Variants in PCCA observed in about 807,000 individuals in gnomAD.
The protein encoded by PCCA is propionyl-CoA carboxylase alpha chain, mitochondrial.
In PCCA, 74 loss-of-function variants were observed where a neutral mutation model predicts 101.3. The observed-to-expected ratio is 0.73, with a 90% CI of 0.61 to 0.89. The LOEUF (loss-of-function observed/expected upper bound fraction) is 0.89. Among genes scored for constraint, PCCA ranks in the 40% least tolerant of loss-of-function variants. PCCA has a pLI of 0.00. For missense variants in PCCA, 891 were observed against 907.0 expected (o/e 0.98, Z 0.23); for synonymous variants, 294 against 313.6 (o/e 0.94, Z 0.66).
chr13:100,175,189 C>T (rs1176635304), intron 6 of PCCA, among the ~76,000 whole-genome samples: 1 of 151,926 alleles, frequency 6.6e-6, no homozygotes, highest in East Asian at 1.9e-4. Flanking sequence ...TTGTCAAGTC[C>T]CTGGTGAGTT....
rs577421090 is a variant in PCCA, at chr13:100,106,614, C to T, written c.183+3654C>T. 8.5e-5 allele frequency among the ~76,000 whole-genome samples: 13 copies of T among 152,102 alleles called. No homozygotes were observed. The South Asian group carries it at 2.7e-3, about 32-fold the overall frequency. ...ATTTTTAGTAGAGATGGAGTTTCACCATGTTGGCCAGGCTGGTCTCGAACT... is the reference window on the plus strand; with the variant it reads ...ATTTTTAGTAGAGATGGAGTTTCACTATGTTGGCCAGGCTGGTCTCGAACT... On this transcript the variant is annotated intron_variant, in intron 2 of 23. Transcript: ENST00000376285.
At chr13:100,163,079 A>C (rs772417360) in intron 6 of PCCA, among the ~76,000 whole-genome samples, 1 of 152,206 alleles carries the variant, frequency 6.6e-6, no homozygotes, top group Admixed American at 6.5e-5. Context: ...TGAATGCCTG[A>C]AAAAGGAAAA....
At chr13:100,508,849 G>A (rs1337863307) in intron 21 of PCCA, among the ~76,000 whole-genome samples, 1 of 152,100 alleles carries the variant, frequency 6.6e-6, no homozygotes, top group Non-Finnish European at 1.5e-5. Context: ...GCTGACGTTG[G>A]TTTCCATCCT....
At chr13:100,309,807 T>A (rs1456549708) in intron 15 of PCCA, 26 bp from the exon 16 acceptor site, 4 of 1,444,026 alleles carry the variant, frequency 2.8e-6, no homozygotes, top group East Asian at 4.6e-5. Flanking sequence ...ATATATATAT[T>A]GGGTTTTTTG....
At chr13:100,486,276 A>G (rs11839967) in intron 21 of PCCA, among the ~76,000 whole-genome samples, 2,648 of 152,296 alleles carry the variant, frequency 0.017, 80 homozygotes, top group African/African-American at 0.06. Context: ...GGGCTTACAT[A>G]ACACTGTAAA....
At chr13:100,519,840 G>A (rs761489229) in intron 22 of PCCA, among the ~76,000 whole-genome samples, 5 of 152,268 alleles carry the variant, frequency 3.3e-5, no homozygotes, top group Non-Finnish European at 5.9e-5. Context: ...CTGGCATCGC[G>A]CTTGTGTGCC....
chr13:100,139,422 T>C (rs988807009), intron 4 of PCCA, among the ~76,000 whole-genome samples: 4 of 152,020 alleles, frequency 2.6e-5, no homozygotes, highest in African/African-American at 9.7e-5. Flanking sequence ...TTTTCTACTC[T>C]TTTTTTCTCT....
chr13:100,090,139 A>G (rs1053838727), intron 1 of PCCA, among the ~76,000 whole-genome samples: 1 of 152,140 alleles, frequency 6.6e-6, no homozygotes, highest in Non-Finnish European at 1.5e-5. Flanking sequence ...ACATAACTTG[A>G]TTTATAGTCA....
intron 1 of PCCA, among the ~76,000 whole-genome samples, chr13:100,100,445 G>A (rs1358703154): frequency 1.3e-5 from 2 of 152,152 alleles, no homozygotes; most frequent in African/African-American, 4.8e-5. Flanking sequence ...TTGTTGCTAG[G>A]AAATACCTTA....
At chr13:100,317,881 C>A (rs1267691164) in intron 16 of PCCA, among the ~76,000 whole-genome samples, 1 of 152,078 alleles carries the variant, frequency 6.6e-6, no homozygotes, top group African/African-American at 2.4e-5. Flanking sequence ...AGCCACTGCA[C>A]CTGGCCCTCA....
intron 1 of PCCA, among the ~76,000 whole-genome samples, chr13:100,091,601 G>A (rs2046285295): frequency 6.6e-6 from 1 of 152,094 alleles, no homozygotes; most frequent in Non-Finnish European, 1.5e-5. Flanking sequence ...TGAATCTTTT[G>A]AAGATTTTAA....
At chr13:100,320,604 T>C (rs1488722333) in intron 16 of PCCA, among the ~76,000 whole-genome samples, 1 of 152,228 alleles carries the variant, frequency 6.6e-6, no homozygotes, top group Non-Finnish European at 1.5e-5. Flanking sequence ...TGTCTTTGGT[T>C]CTGTTTATAT....
intron 22 of PCCA, among the ~76,000 whole-genome samples, chr13:100,523,405 G>T (rs2087462144): frequency 6.6e-6 from 1 of 152,094 alleles, no homozygotes. Context: ...TGGAAAATTG[G>T]CAGCCTATAT....
chr13:100,459,507 T>C (rs376633472), intron 21 of PCCA, among the ~76,000 whole-genome samples: 59 of 152,340 alleles, frequency 3.9e-4, no homozygotes, highest in South Asian at 1.2e-3. Flanking sequence ...TACTCAAAAA[T>C]GCAGGAACAC....
At chr13:100,305,525 G>C (rs1214681716) in intron 14 of PCCA, among the ~76,000 whole-genome samples, 2 of 152,138 alleles carry the variant, frequency 1.3e-5, no homozygotes, top group African/African-American at 4.8e-5. Context: ...TATCAGTCTC[G>C]TTTGTAAACA....
intron 19 of PCCA, among the ~76,000 whole-genome samples, chr13:100,422,091 TTTC>T (rs2078829057): frequency 4.3e-5 from 6 of 140,318 alleles, no homozygotes; most frequent in African/African-American, 1.8e-4. Context: ...TCTTTCTTTC[TTTC>T]TTTCTTTCTT....
intron 6 of PCCA, among the ~76,000 whole-genome samples, chr13:100,159,331 C>G (rs923288666): frequency 6.6e-6 from 1 of 151,778 alleles, no homozygotes. Flanking sequence ...TGTCGTGATC[C>G]GCCCACCTCA....
At chr13:100,188,577 A>C (rs142324272) in intron 6 of PCCA, among the ~76,000 whole-genome samples, 1 of 152,326 alleles carries the variant, frequency 6.6e-6, no homozygotes, top group East Asian at 1.9e-4. Flanking sequence ...GACACCCAAT[A>C]ATGGGATTGC....
intron 21 of PCCA, among the ~76,000 whole-genome samples, chr13:100,454,480 C>T (rs756955684): frequency 1.2e-4 from 18 of 152,194 alleles, no homozygotes; most frequent in Non-Finnish European, 2.5e-4. Flanking sequence ...GGTCCTGTTA[C>T]AACAAATACA....
Sources: gnomAD v4.1 joint callset for allele counts (sites outside exome capture counted in the v4.1 genomes callset) on GRCh38, gnomAD v4.1.1 for gene constraint, MANE v1.5 for transcripts, NCBI Gene and HGNC (gene_info 2026-07-23, HGNC 2026-07-21) for gene names.